HYDIN: variants seen among roughly 807,000 people sequenced by gnomAD.
The protein encoded by HYDIN is HYDIN axonemal central pair apparatus protein, also known as axonemal central pair apparatus protein HYDIN.
Under a neutral mutation model 403.9 loss-of-function variants are expected in HYDIN, and 132 were observed. That is an observed-to-expected ratio of 0.33 (90% CI 0.28 to 0.38). The LOEUF is 0.38. HYDIN is among the 10% of genes least tolerant of loss of function. HYDIN has a pLI of 1.00. For missense variants in HYDIN, 2,827 were observed against 5,009.5 expected, an observed-to-expected ratio of 0.56 and a Z score of 13.15; for synonymous variants, 1,202 against 1,891.7, an observed-to-expected ratio of 0.64 and a Z score of 9.46.
intron 1 of HYDIN, among the ~76,000 whole-genome samples, chr16:71,207,743 A>G (rs1456547482): frequency 3.3e-5 from 5 of 152,186 alleles, no homozygotes; most frequent in Non-Finnish European, 7.4e-5. Context: ...CTAAGCAAAT[A>G]GAAACAAAAA....
chr16:71,064,627 T>C lies in HYDIN; in HGVS notation c.2211+78A>G, dbSNP rs979508740. On this transcript the variant is annotated intron_variant, in intron 16 of 85. Transcript: ENST00000393567. ...GGTCATGTGTTCAGGAATGTGGCAC[T>C]TCAGAGGGATTTCTCTTTCTCATCA... 4.1e-5 allele frequency: 55 copies of C among 1,341,740 alleles called. No homozygotes were observed. The African/African-American group carries it at 6.7e-4, about 16-fold the overall frequency. The allele number at this position is 1,341,740 out of a possible 1,614,324, so 83.1% of individuals were successfully genotyped here. A position where few individuals can be genotyped will look rare whatever the true frequency, so the allele number is the denominator to read the frequency against.
At chr16:71,098,631 G>A (rs1326230132) in intron 10 of HYDIN, among the ~76,000 whole-genome samples, 1 of 149,980 alleles carries the variant, frequency 6.7e-6, no homozygotes, top group African/African-American at 2.5e-5. Context: ...TTTCAGAATG[G>A]CAAAGAAAGA....
chr16:70,872,278 C>T, intron 64 of HYDIN, 99 bp from the exon 65 acceptor site: 1 of 546,420 alleles, frequency 1.8e-6, no homozygotes, highest in Non-Finnish European at 3.2e-6. Flanking sequence ...GCAGTCCTTC[C>T]ATCCTTGGAT....
intron 84 of HYDIN, among the ~76,000 whole-genome samples, chr16:70,811,908 C>A (rs2035534205): frequency 9.5e-6 from 1 of 105,194 alleles, no homozygotes; most frequent in African/African-American, 3.8e-5. Context: ...CCACTTAGTT[C>A]TATTAATATA....
intron 8 of HYDIN, among the ~76,000 whole-genome samples, 191 bp from the exon 9 acceptor site, chr16:71,130,014 T>C (rs1040311824): frequency 6.6e-6 from 1 of 152,012 alleles, no homozygotes; most frequent in Admixed American, 6.5e-5. Context: ...TGTTTGCTCA[T>C]CTTCAACCAC....
intron 58 of HYDIN, among the ~76,000 whole-genome samples, chr16:70,888,546 T>C (rs1438444593): frequency 2.6e-5 from 4 of 151,292 alleles, no homozygotes; most frequent in Admixed American, 1.3e-4. Flanking sequence ...GTTGATGCCA[T>C]GGGAGATGGA....
intron 36 of HYDIN, among the ~76,000 whole-genome samples, chr16:70,967,605 C>A (rs1441154948): frequency 6.6e-6 from 1 of 152,192 alleles, no homozygotes; most frequent in Non-Finnish European, 1.5e-5. Context: ...CCTCAGCCTC[C>A]TGAGTAGCTG....
At chr16:71,080,938 A>G (rs2082767261) in intron 12 of HYDIN, 1 of 152,178 alleles carries the variant, frequency 6.6e-6, no homozygotes, top group African/African-American at 2.4e-5. Context: ...TGAACAAAGA[A>G]GAAGGAATCC....
chr16:70,946,693 A>T (rs529915200), intron 41 of HYDIN, among the ~76,000 whole-genome samples: 1 of 152,278 alleles, frequency 6.6e-6, no homozygotes, highest in African/African-American at 2.4e-5. Flanking sequence ...AGAGTTAGTC[A>T]TCTGTAAAGT....
At chr16:71,122,740 T>C (rs1242904778) in intron 9 of HYDIN, among the ~76,000 whole-genome samples, 1 of 151,782 alleles carries the variant, frequency 6.6e-6, no homozygotes, top group Non-Finnish European at 1.5e-5. Context: ...CAAAGCATGG[T>C]TTACTATTAC....
chr16:70,817,648 T>C (rs1013449341), intron 84 of HYDIN, among the ~76,000 whole-genome samples: 1 of 152,276 alleles, frequency 6.6e-6, no homozygotes, highest in African/African-American at 2.4e-5. Flanking sequence ...AGTTTTCTTG[T>C]GCTCCTTCCT....
At chr16:70,956,027 C>A (rs2078224578) in intron 39 of HYDIN, among the ~76,000 whole-genome samples, 1 of 152,038 alleles carries the variant, frequency 6.6e-6, no homozygotes, top group Non-Finnish European at 1.5e-5. Flanking sequence ...ACCATGTTGG[C>A]CAGGCTGGTC....
intron 53 of HYDIN, among the ~76,000 whole-genome samples, chr16:70,898,131 T>C (rs1023001010): frequency 1.3e-5 from 2 of 152,156 alleles, no homozygotes; most frequent in Non-Finnish European, 2.9e-5. Context: ...ATTGCACCAC[T>C]GCACTCCAGC....
At chr16:71,061,906 G>A (rs200784250) in intron 17 of HYDIN, among the ~76,000 whole-genome samples, 1 of 151,540 alleles carries the variant, frequency 6.6e-6, no homozygotes, top group South Asian at 2.1e-4. Flanking sequence ...CAGAGAGAGA[G>A]AGAGAGAGAG....
intron 5 of HYDIN, among the ~76,000 whole-genome samples, chr16:71,172,116 C>T (rs1438300676): frequency 6.6e-6 from 1 of 152,166 alleles, no homozygotes. Context: ...TAACATAGAA[C>T]ATGTTAACAT....
chr16:70,969,676 G>A (rs934750078), intron 36 of HYDIN, among the ~76,000 whole-genome samples: 24 of 152,276 alleles, frequency 1.6e-4, no homozygotes, highest in Non-Finnish European at 2.1e-4. Flanking sequence ...AAATCTTGGC[G>A]TATCAGAAAA....
intron 18 of HYDIN, among the ~76,000 whole-genome samples, chr16:71,041,473 T>C (rs2144197083): frequency 6.6e-6 from 1 of 152,302 alleles, no homozygotes; most frequent in African/African-American, 2.4e-5. Context: ...AATCTATCAG[T>C]AGGGGATTAG....
intron 40 of HYDIN, among the ~76,000 whole-genome samples, chr16:70,954,571 C>T (rs113596513): frequency 2.0e-5 from 3 of 151,886 alleles, no homozygotes; most frequent in Admixed American, 2.0e-4. Context: ...TATCTAGGTA[C>T]ATGACATCGC....
Position 70,804,659 on chromosome 16 carries a change from T to G in HYDIN, c.*2921A>C, listed in dbSNP as rs2035030155. ...GTTTCCTAATGTTCAAGTTGTTATC[T>G]CCAGAGCATTGAGGGGAACTATGAT... On this transcript the variant is annotated 3_prime_UTR_variant, in exon 86 of 86. Coordinates refer to ENST00000393567, the MANE Select transcript of HYDIN (RefSeq NM_001270974.2). 6.6e-6 allele frequency among the ~76,000 whole-genome samples: 1 copy of G among 152,210 alleles called. No homozygotes were observed. The highest frequency in any genetic ancestry group is 6.5e-5 in the Admixed American group (1 of 15,280).
Sources: allele counts gnomAD v4.1 joint callset (sites outside exome capture counted in the v4.1 genomes callset), GRCh38; gene constraint gnomAD v4.1.1; transcripts MANE v1.5; gene names NCBI Gene and HGNC (gene_info 2026-07-23, HGNC 2026-07-21).